Variants in TLR2 observed in about 807,000 individuals in gnomAD.
The protein encoded by TLR2 is toll-like receptor 2.
In TLR2, 7 loss-of-function variants were observed where a neutral mutation model predicts 9.1. The ratio of observed to expected loss-of-function variants is 0.77; its 90% confidence interval spans 0.44 to 1.44. TLR2 has a LOEUF of 1.44. TLR2 is among the 40% of genes most tolerant of loss of function. The probability of loss-of-function intolerance (pLI) is 0.01; values close to 1 mark genes in which losing one functional copy is unlikely to be tolerated. For synonymous variants in TLR2, 317 were observed against 344.6 expected, an observed-to-expected ratio of 0.92 and a Z score of 0.89; for missense variants, 812 against 904.6, an observed-to-expected ratio of 0.90 and a Z score of 1.31.
chr4:153,708,933 G>A (rs1737419611), downstream of TLR2, among the ~76,000 whole-genome samples: 1 of 152,110 alleles, frequency 6.6e-6, no homozygotes, highest in Non-Finnish European at 1.5e-5. Flanking sequence ...TACTCAAACA[G>A]CTACAGAGAT....
At chr4:153,685,419 G>A (rs1327928365) in intron 1 of TLR2, among the ~76,000 whole-genome samples, 2 of 152,164 alleles carry the variant, frequency 1.3e-5, no homozygotes, top group Non-Finnish European at 2.9e-5. Context: ...AGTTTGCTGA[G>A]ATGACTTTAA....
chr4:153,695,328 G>C (rs925849774), intron 2 of TLR2, among the ~76,000 whole-genome samples: 26 of 152,080 alleles, frequency 1.7e-4, no homozygotes, highest in Non-Finnish European at 1.5e-5. Context: ...CCACATCCTT[G>C]CAGCATTTTT....
At chr4:153,685,328 AAGAG>A (rs1218326710) in intron 1 of TLR2, among the ~76,000 whole-genome samples, 4 of 152,166 alleles carry the variant, frequency 2.6e-5, no homozygotes, top group Admixed American at 1.3e-4. Flanking sequence ...AAGAGAGAGA[AAGAG>A]AGAGAAAGAG....
In TLR2 at chr4:153,694,950, T is replaced by C. The variant is rs540093250; in HGVS notation, c.-17+6903T>C. Among the ~76,000 whole-genome samples, 7 of 152,318 alleles carry C rather than the reference T, an allele frequency of 4.6e-5. No individual in the cohort carries two copies. In the South Asian group the frequency reaches 1.5e-3, roughly 32 times the overall value. Reference sequence around the variant, plus strand: ...GGATGTTTGTCTTTCTGTGCCTTATTTCACTTAACATAATATCCTCCAGTT... The same window carrying C: ...GGATGTTTGTCTTTCTGTGCCTTATCTCACTTAACATAATATCCTCCAGTT... On this transcript the variant is annotated intron_variant, in intron 2 of 2. Coordinates refer to ENST00000642700, the MANE Select transcript of TLR2 (RefSeq NM_001318789.2).
chr4:153,696,798 G>A (rs887878135), intron 2 of TLR2, among the ~76,000 whole-genome samples: 20 of 152,038 alleles, frequency 1.3e-4, no homozygotes, highest in African/African-American at 4.8e-4. Context: ...GGAAGCTGAG[G>A]CAGGATGATT....
intron 2 of TLR2, among the ~76,000 whole-genome samples, chr4:153,693,289 C>T (rs1350978045): frequency 6.6e-6 from 1 of 152,200 alleles, no homozygotes; most frequent in African/African-American, 2.4e-5. Flanking sequence ...CTTTAACAGT[C>T]CCATTACAAA....
chr4:153,696,670 A>G (rs1237208502), intron 2 of TLR2, among the ~76,000 whole-genome samples: 1 of 152,214 alleles, frequency 6.6e-6, no homozygotes, highest in East Asian at 1.9e-4. Context: ...TGCTTCTAGT[A>G]ATTACAGTTC....
Position 153,705,007 on chromosome 4 carries a change from C to CT in TLR2, c.2103dup (p.Val702CysfsTer4). 1 of 1,613,696 alleles carries CT rather than the reference C, an allele frequency of 6.2e-7. No homozygotes were observed. The highest frequency in any genetic ancestry group is 8.5e-7 in the Non-Finnish European group (1 of 1,180,034). On this transcript the variant is annotated frameshift_variant, in exon 3 of 3. Coordinates refer to ENST00000642700, the MANE Select transcript of TLR2 (RefSeq NM_001318789.2). LOFTEE classifies it high-confidence loss of function. ...CCATTGAAAAGAGCCACAAAACTGT[C>CT]TTTGTGCTTTCTGAAAACTTTGTGA...
intron 2 of TLR2, among the ~76,000 whole-genome samples, chr4:153,690,366 A>G (rs1272975182): frequency 3.3e-5 from 5 of 152,254 alleles, no homozygotes; most frequent in Non-Finnish European, 5.9e-5. Flanking sequence ...ATTATATGGG[A>G]TGCCAGTAAT....
At chr4:153,685,475 C>G (rs576399428) in intron 1 of TLR2, among the ~76,000 whole-genome samples, 11 of 152,262 alleles carry the variant, frequency 7.2e-5, no homozygotes, top group South Asian at 2.1e-4. Context: ...GCAACTGTAG[C>G]TATGGTGGCC....
intron 2 of TLR2, among the ~76,000 whole-genome samples, chr4:153,689,919 G>A (rs1411440797): frequency 1.3e-5 from 2 of 152,126 alleles, no homozygotes; most frequent in Non-Finnish European, 2.9e-5. Context: ...GATAGTTTGG[G>A]TCCTCCTCAG....
At chr4:153,687,488 A>G (rs763591287) in intron 1 of TLR2, among the ~76,000 whole-genome samples, 1 of 152,180 alleles carries the variant, frequency 6.6e-6, no homozygotes, top group Non-Finnish European at 1.5e-5. Context: ...TAAATGACAT[A>G]AGCAGGAGGC....
chr4:153,693,832 G>T (rs930048858), intron 2 of TLR2, among the ~76,000 whole-genome samples: 3 of 152,142 alleles, frequency 2.0e-5, no homozygotes, highest in African/African-American at 7.2e-5. Flanking sequence ...AGAGTACTCG[G>T]GTATCCTCCA....
At chr4:153,707,382 T>A (rs1006917694), downstream of TLR2, among the ~76,000 whole-genome samples, 1 of 152,022 alleles carries the variant, frequency 6.6e-6, no homozygotes, top group Non-Finnish European at 1.5e-5. Flanking sequence ...ACCCTGTCTC[T>A]ACCAAAAAAT....
chr4:153,692,893 G>T (rs1011669094), intron 2 of TLR2, among the ~76,000 whole-genome samples: 1 of 152,198 alleles, frequency 6.6e-6, no homozygotes, highest in Non-Finnish European at 1.5e-5. Context: ...GTGCTGTACA[G>T]AAATGATTGA....
At chr4:153,698,756 A>G (rs1560745160) in intron 2 of TLR2, among the ~76,000 whole-genome samples, 2 of 152,214 alleles carry the variant, frequency 1.3e-5, no homozygotes, top group Non-Finnish European at 2.9e-5. Flanking sequence ...CCTCATTGGG[A>G]ATCTGCAGGA....
intron 2 of TLR2, among the ~76,000 whole-genome samples, chr4:153,696,747 G>A (rs940515329): frequency 1.3e-5 from 2 of 152,062 alleles, no homozygotes; most frequent in African/African-American, 4.8e-5. Context: ...AGTTTTCACT[G>A]GAAATTAAAT....
chr4:153,702,704 T>C (rs1185643131), intron 2 of TLR2, 188 bp from the exon 3 acceptor site: 9 of 586,190 alleles, frequency 1.5e-5, no homozygotes, highest in Non-Finnish European at 2.4e-5. Flanking sequence ...TATCAGGGAA[T>C]TCATTTTTTT....
At chr4:153,684,881 C>T (rs375850313) in intron 1 of TLR2, among the ~76,000 whole-genome samples, 2 of 152,306 alleles carry the variant, frequency 1.3e-5, no homozygotes, top group African/African-American at 4.8e-5. Flanking sequence ...CCCTGATTCC[C>T]GGTAGGGTCG....
Sources: gnomAD v4.1 joint callset for allele counts (sites outside exome capture counted in the v4.1 genomes callset) on GRCh38, gnomAD v4.1.1 for gene constraint, MANE v1.5 for transcripts, NCBI Gene and HGNC (gene_info 2026-07-23, HGNC 2026-07-21) for gene names.